NCAM1: variants seen among roughly 807,000 people sequenced by gnomAD.
The protein encoded by NCAM1 is antigen recognized by monoclonal antibody 5.1H11.
In NCAM1, 14 loss-of-function variants were observed where a neutral mutation model predicts 109.8. The observed-to-expected ratio is 0.13, with a 90% confidence interval of 0.08 to 0.20. The LOEUF (loss-of-function observed/expected upper bound fraction) is 0.20, where lower values mean the gene tolerates loss of function less well. Ranked by LOEUF, NCAM1 falls within the 10% of genes least tolerant of loss-of-function variation. NCAM1 has a pLI of 1.00. For missense variants in NCAM1, 774 were observed against 1,109.9 expected (o/e 0.70, Z 4.30); for synonymous variants, 418 against 442.9 (o/e 0.94, Z 0.70).
chr11:113,175,223 T>G (rs59478042), intron 1 of NCAM1, among the ~76,000 whole-genome samples: 4 of 152,214 alleles, frequency 2.6e-5, no homozygotes, highest in African/African-American at 9.7e-5. Flanking sequence ...TGATGGAAGC[T>G]TAATAGAGTT....
In NCAM1 at chr11:113,238,780, G is replaced by A. The variant is rs143103493; in HGVS notation, c.1825+3616G>A. ...GCACCCCTGTCCTGTAATACTGTTG[G>A]GATGCAGATGCACAGCAGGATCTCC... On this transcript the variant is annotated intron_variant, in intron 14 of 19. Transcript: ENST00000316851. 3.3e-5 allele frequency among the ~76,000 whole-genome samples: 5 copies of A among 152,272 alleles called. 1 individual carries two copies. The South Asian group carries it at 6.2e-4, about 19-fold the overall frequency.
At chr11:113,005,346 G>A (rs1433718881) in intron 1 of NCAM1, among the ~76,000 whole-genome samples, 3 of 152,164 alleles carry the variant, frequency 2.0e-5, no homozygotes, top group African/African-American at 4.8e-5. Context: ...TGAATGATGA[G>A]CTTCGTTATA....
intron 1 of NCAM1, among the ~76,000 whole-genome samples, chr11:113,032,757 A>T (rs781924709): frequency 6.6e-6 from 1 of 152,210 alleles, no homozygotes; most frequent in African/African-American, 2.4e-5. Flanking sequence ...ATTTAAGAAA[A>T]GAGTGGAAGT....
intron 1 of NCAM1, among the ~76,000 whole-genome samples, chr11:113,098,903 C>T (rs1490987276): frequency 6.6e-6 from 1 of 152,146 alleles, no homozygotes; most frequent in Non-Finnish European, 1.5e-5. Context: ...CTGGACAGTC[C>T]TCAGGTTCCT....
intron 1 of NCAM1, among the ~76,000 whole-genome samples, chr11:113,171,531 G>C (rs977792149): frequency 2.0e-5 from 3 of 152,138 alleles, no homozygotes; most frequent in South Asian, 2.1e-4. Context: ...TACTCAGGAG[G>C]CTGAGGCAGG....
intron 1 of NCAM1, among the ~76,000 whole-genome samples, chr11:113,086,478 T>C (rs1939095675): frequency 6.6e-6 from 1 of 152,218 alleles, no homozygotes; most frequent in Non-Finnish European, 1.5e-5. Context: ...AGCAATCTGA[T>C]ATTGAAGATT....
intron 1 of NCAM1, chr11:113,197,143 C>A (rs1354999700): frequency 1.5e-5 from 3 of 193,986 alleles, no homozygotes; most frequent in Non-Finnish European, 3.5e-5. Flanking sequence ...GCCCCCATGA[C>A]CCAGTCACCT....
At chr11:113,260,076 G>T in intron 16 of NCAM1, 70 bp from the exon 17 acceptor site, 2 of 1,428,020 alleles carry the variant, frequency 1.4e-6, no homozygotes, top group Middle Eastern at 1.8e-4. Context: ...CCTATTGTCT[G>T]GTCTTACCAG....
chr11:113,266,651 G>T (rs1946139096), intron 17 of NCAM1, among the ~76,000 whole-genome samples: 1 of 152,154 alleles, frequency 6.6e-6, no homozygotes, highest in African/African-American at 2.4e-5. Flanking sequence ...TAAAAGTGGG[G>T]AGCCCCAGAT....
intron 1 of NCAM1, among the ~76,000 whole-genome samples, chr11:113,126,894 C>G (rs1167507152): frequency 6.6e-6 from 1 of 152,208 alleles, no homozygotes; most frequent in Non-Finnish European, 1.5e-5. Context: ...ACCACACCTC[C>G]TAACAGTGTG....
intron 1 of NCAM1, among the ~76,000 whole-genome samples, chr11:113,190,397 A>G (rs1485917936): frequency 6.6e-6 from 1 of 152,214 alleles, no homozygotes; most frequent in African/African-American, 2.4e-5. Flanking sequence ...ATGCATCATA[A>G]TGTTGCCAGA....
chr11:113,222,914 C>T (rs1171559545), intron 9 of NCAM1, among the ~76,000 whole-genome samples: 1 of 152,096 alleles, frequency 6.6e-6, no homozygotes, highest in Non-Finnish European at 1.5e-5. Context: ...GTTCCATTCT[C>T]TCCTGTTTGT....
chr11:113,012,696 G>A (rs1952100728), intron 1 of NCAM1, among the ~76,000 whole-genome samples: 1 of 152,142 alleles, frequency 6.6e-6, no homozygotes, highest in South Asian at 2.1e-4. Flanking sequence ...TGTTCTTCTT[G>A]TGTGCCTGTG....
At chr11:112,978,194 A>G (rs1951056875) in intron 1 of NCAM1, among the ~76,000 whole-genome samples, 1 of 151,830 alleles carries the variant, frequency 6.6e-6, no homozygotes, top group African/African-American at 2.4e-5. Context: ...CTGAGAATAT[A>G]TGCCATATTG....
chr11:113,242,988 G>T, intron 14 of NCAM1: 1 of 1,490,876 alleles, frequency 6.7e-7, no homozygotes. Context: ...AGCCTGGTGT[G>T]GTTTCCTAAG....
chr11:113,119,838 T>C (rs1310271522), intron 1 of NCAM1, among the ~76,000 whole-genome samples: 11 of 135,644 alleles, frequency 8.1e-5, no homozygotes, highest in Non-Finnish European at 1.5e-4. Flanking sequence ...ATTTTATTAA[T>C]GTCAGCCCCA....
At chr11:113,245,262 G>A (rs937946225) in intron 14 of NCAM1, among the ~76,000 whole-genome samples, 43 of 152,212 alleles carry the variant, frequency 2.8e-4, no homozygotes, top group Middle Eastern at 3.4e-3. Flanking sequence ...CCAACAGGGC[G>A]AAACCCCCAT....
In NCAM1 at chr11:113,009,322, T is replaced by TGTTG. The variant is rs1213632298; in HGVS notation, c.52+47658_52+47659insGTTG. 1.2e-4 allele frequency among the ~76,000 whole-genome samples: 16 copies of TGTTG among 131,250 alleles called. No homozygotes were observed. In the East Asian group the frequency reaches 3.5e-3, roughly 29 times the overall value. 86.1% of individuals were successfully genotyped at this position (131,250 alleles called of 152,430 possible). A position where few individuals can be genotyped will look rare whatever the true frequency, so the allele number is the denominator to read the frequency against. On this transcript the variant is annotated intron_variant, in intron 1 of 19. Transcript: ENST00000316851. The stretch of plus-strand genomic sequence containing the variant: ...GAAGGGTTTTTTCGGGTTTTTTTTT[T>TGTTG]TTTTTTTTTTTTTTTTTTTATTGAG...
intron 1 of NCAM1, among the ~76,000 whole-genome samples, chr11:113,042,297 G>A (rs1239651277): frequency 6.6e-6 from 1 of 152,044 alleles, no homozygotes; most frequent in Admixed American, 6.5e-5. Context: ...TGCCCCTGCC[G>A]CAGCCTTTCC....
Sources: gnomAD v4.1 joint callset for allele counts (sites outside exome capture counted in the v4.1 genomes callset) on GRCh38, gnomAD v4.1.1 for gene constraint, MANE v1.5 for transcripts, NCBI Gene and HGNC (gene_info 2026-07-23, HGNC 2026-07-21) for gene names.